The following MAP4K1 variants were observed in gnomAD, a reference collection of about 807,000 sequenced individuals.
The protein encoded by MAP4K1 is mitogen-activated protein kinase kinase kinase kinase 1, also known as MAPK/ERK kinase kinase kinase 1.
Under a neutral mutation model 122.8 loss-of-function variants are expected in MAP4K1, and 35 were observed. The ratio of observed to expected loss-of-function variants is 0.29; its 90% CI spans 0.22 to 0.38. The LOEUF (loss-of-function observed/expected upper bound fraction) is 0.38. MAP4K1 is among the 10% of genes least tolerant of loss of function. The pLI is 1.00. For synonymous variants in MAP4K1, 412 were observed against 421.3 expected (o/e 0.98, Z 0.27); for missense variants, 791 against 1,072.6 (o/e 0.74, Z 3.67).
chr19:38,613,248 A>G (rs2144740626), intron 8 of MAP4K1, among the ~76,000 whole-genome samples: 1 of 149,434 alleles, frequency 6.7e-6, no homozygotes, highest in African/African-American at 2.4e-5. Flanking sequence ...TGAAGGTTGC[A>G]GTGAGCTGAG....
At chr19:38,590,098 CAA>C (rs1409936055) in intron 30 of MAP4K1, among the ~76,000 whole-genome samples, 1 of 151,532 alleles carries the variant, frequency 6.6e-6, no homozygotes, top group Non-Finnish European at 1.5e-5. Flanking sequence ...CTACCTTAAC[CAA>C]ATGACCGAAG....
Position 38,608,002 on chromosome 19 carries a change from C to G in MAP4K1, c.1097G>C (p.Ser366Thr), listed in dbSNP as rs949917797. Residue 366 changes from serine (S) to threonine (T), a missense_variant, in exon 15 of 31, where the codon AGC becomes ACC. Coordinates refer to ENST00000396857, the MANE Select transcript of MAP4K1 (RefSeq NM_001042600.3). ...TGGGGTCCCTGACCTGGGGCTGCTG[C>G]TCCTGAGGTCTCGAGGAGGCTGTAG... ...ARLQPPRDLRSSSPRKQLSES... is the reference protein window; with the variant it reads ...ARLQPPRDLRTSSPRKQLSES... The G allele has an allele frequency of 6.2e-7, 1 of 1,610,678 alleles. No homozygotes were observed. Among genetic ancestry groups the G allele is most frequent in the Non-Finnish European group, 8.5e-7 (1 of 1,178,188 alleles).
intron 19 of MAP4K1, among the ~76,000 whole-genome samples, chr19:38,602,941 C>A (rs1450246079): frequency 6.9e-6 from 1 of 144,164 alleles, no homozygotes. Flanking sequence ...CATATATACA[C>A]ATACATATAT....
intron 30 of MAP4K1, among the ~76,000 whole-genome samples, chr19:38,591,828 G>A (rs916743430): frequency 5.3e-5 from 8 of 151,942 alleles, no homozygotes; most frequent in African/African-American, 1.9e-4. Context: ...AAAATTAGCC[G>A]GGCACAGTGG....
chr19:38,602,537 CACATAT>C (rs996496993), intron 19 of MAP4K1, among the ~76,000 whole-genome samples: 13 of 148,436 alleles, frequency 8.8e-5, no homozygotes, highest in Non-Finnish European at 1.6e-4. Flanking sequence ...TACATATATA[CACATAT>C]ACATATATAT....
chr19:38,611,010 AG>A (rs759291634), intron 11 of MAP4K1, 40 bp downstream of exon 11: 6 of 1,547,578 alleles, frequency 3.9e-6, no homozygotes, highest in Non-Finnish European at 5.3e-6. Flanking sequence ...GGAAGGCCCC[AG>A]GGAATCCTAG....
chr19:38,603,711 C>T (rs556758600), intron 19 of MAP4K1, among the ~76,000 whole-genome samples: 208 of 152,132 alleles, frequency 1.4e-3, no homozygotes, highest in African/African-American at 4.7e-3. Flanking sequence ...GGGCCGGGCG[C>T]GGTGGCTCAC....
At position 38,596,494 on chromosome 19, in the gene MAP4K1, C is replaced by G; in HGVS notation, c.1942-8G>C. On this transcript the variant is annotated splice_polypyrimidine_tract_variant and splice_region_variant and intron_variant, in intron 25 of 30. Coordinates refer to ENST00000396857, the MANE Select transcript of MAP4K1 (RefSeq NM_001042600.3). ...CAGTGGGAACAGCACCTGCTGCGGG[C>G]CGCACAGGGAGGGGCGGGCTAGGGG... 6.5e-7 allele frequency: 1 copy of G among 1,542,014 alleles called. No homozygotes were observed. The highest frequency in any genetic ancestry group is 8.7e-7 in the Non-Finnish European group (1 of 1,145,508).
chr19:38,616,685 A>T (rs909545770), intron 3 of MAP4K1, among the ~76,000 whole-genome samples: 2 of 152,222 alleles, frequency 1.3e-5, no homozygotes, highest in African/African-American at 2.4e-5. Flanking sequence ...TTAAAGGAGC[A>T]GAGAGTGAAA....
chr19:38,616,346 T>A, intron 3 of MAP4K1, 87 bp from the exon 4 acceptor site: 3 of 1,008,802 alleles, frequency 3.0e-6, no homozygotes, highest in Non-Finnish European at 2.9e-6. Context: ...TGTCTTGTTC[T>A]AGTTCAATAA....
intron 19 of MAP4K1, among the ~76,000 whole-genome samples, chr19:38,604,362 ATG>A (rs1975259683): frequency 6.6e-6 from 1 of 152,096 alleles, no homozygotes; most frequent in African/African-American, 2.4e-5. Context: ...GCAACTGCAT[ATG>A]TGGTAGTGAC....
chr19:38,606,751 G>A (rs921939701), intron 16 of MAP4K1, among the ~76,000 whole-genome samples: 1 of 152,202 alleles, frequency 6.6e-6, no homozygotes, highest in Non-Finnish European at 1.5e-5. Flanking sequence ...GCAACTCTTG[G>A]AGGTGGAGTG....
chr19:38,588,624 G>A (rs1974603053), intron 30 of MAP4K1, among the ~76,000 whole-genome samples: 1 of 131,600 alleles, frequency 7.6e-6, no homozygotes, highest in Admixed American at 8.2e-5. Flanking sequence ...GTGGTGGCAG[G>A]CACTATAGTC....
At chr19:38,602,475 T>C (rs1380918115) in intron 19 of MAP4K1, among the ~76,000 whole-genome samples, 1 of 149,874 alleles carries the variant, frequency 6.7e-6, no homozygotes, top group Non-Finnish European at 1.5e-5. Context: ...CATATACATA[T>C]ATACACACAT....
At position 38,608,028 on chromosome 19, in the gene MAP4K1, G is replaced by A. The variant is rs752518343; in HGVS notation, c.1071C>T (p.Arg357=). The A allele has an allele frequency of 4.4e-6, 7 of 1,602,810 alleles. No individual in the cohort carries two copies. Among genetic ancestry groups the A allele is most frequent in the Non-Finnish European group, 6.0e-6 (7 of 1,173,154 alleles). The stretch of plus-strand genomic sequence containing the variant: ...TCCTGAGGTCTCGAGGAGGCTGTAG[G>A]CGAGCCTGTGGGGTAGGAAAAGGGT... ...METRPPANTA[R]LQPPRDLRSS... Residue 357 remains arginine (R), a synonymous_variant, in exon 15 of 31, where the codon CGC becomes CGT. Transcript: ENST00000396857.
intron 30 of MAP4K1, chr19:38,589,382 A>G (rs1285935957): frequency 5.3e-6 from 1 of 189,134 alleles, no homozygotes; most frequent in Non-Finnish European, 1.1e-5. Context: ...TTTACAGACT[A>G]TTTACCTCGT....
chr19:38,604,235 C>A (rs1051729960), intron 19 of MAP4K1, among the ~76,000 whole-genome samples: 1 of 151,256 alleles, frequency 6.6e-6, no homozygotes, highest in African/African-American at 2.4e-5. Context: ...ACACTGACTA[C>A]GTGTGTAGGC....
At position 38,606,299 on chromosome 19, in the gene MAP4K1, C is replaced by G. The variant is rs564728546; in HGVS notation, c.1158-84G>C. On this transcript the variant is annotated intron_variant, in intron 16 of 30. Transcript: ENST00000396857. ...ATGGCATGGTTCTGGGCTGGAGGCC[C>G]GGGACTGGGGTCTGAGGTGAGGAGG... 3 of 672,556 alleles carry G rather than the reference C, an allele frequency of 4.5e-6. No homozygotes were observed. The African/African-American group carries it at 5.4e-5, about 12-fold the overall frequency. 41.7% of individuals were successfully genotyped at this position (672,556 alleles called of 1,614,324 possible).
intron 4 of MAP4K1, among the ~76,000 whole-genome samples, chr19:38,615,406 A>C (rs2144745506): frequency 6.6e-6 from 1 of 152,166 alleles, no homozygotes; most frequent in South Asian, 2.1e-4. Context: ...GAGACAGAGA[A>C]ACGGAGACAG....
Sources: gnomAD v4.1 joint callset for allele counts (sites outside exome capture counted in the v4.1 genomes callset) on GRCh38, gnomAD v4.1.1 for gene constraint, MANE v1.5 for transcripts, NCBI Gene and HGNC (gene_info 2026-07-23, HGNC 2026-07-21) for gene names.